The following SLC35B1 variants were observed in gnomAD, a reference collection of about 807,000 sequenced individuals.
SLC35B1 encodes ATP/ADP exchanger ER.
A neutral mutation model predicts 36.6 loss-of-function variants in SLC35B1; 27 were observed. That is an observed-to-expected ratio of 0.74 (90% CI 0.54 to 1.02). The LOEUF is 1.02. Ranked by LOEUF, SLC35B1 falls within the 50% of genes least tolerant of loss-of-function variation. The pLI is 0.00. For missense variants in SLC35B1, 321 were observed against 383.2 expected (o/e 0.84, Z 1.35); for synonymous variants, 162 against 152.5 (o/e 1.06, Z -0.46).
At position 49,705,289 on chromosome 17, in the gene SLC35B1, G is replaced by GA. The variant is rs778021618; in HGVS notation, c.371-9dup. 3.7e-6 allele frequency: 6 copies of GA among 1,612,270 alleles called. No individual in the cohort carries two copies. In the African/African-American group the frequency reaches 4.0e-5, roughly 11 times the overall value. On this transcript the variant is annotated splice_polypyrimidine_tract_variant and intron_variant, in intron 4 of 8. Coordinates refer to ENST00000240333, the MANE Select transcript of SLC35B1 (RefSeq NM_005827.4). ...TCACCCCAAGGAGCATGACTACAGG[G>GA]AAAAAACAGAGTGGAAAATTCAGGC...
intron 8 of SLC35B1, chr17:49,701,863 G>A (rs2073354664): frequency 2.8e-6 from 1 of 361,310 alleles, no homozygotes; most frequent in Non-Finnish European, 5.5e-6. Flanking sequence ...ACTGAGGCAG[G>A]AGGATCATTT....
intron 4 of SLC35B1, chr17:49,705,566 A>G (rs1282748121): frequency 6.8e-6 from 4 of 584,852 alleles, no homozygotes; most frequent in Non-Finnish European, 1.2e-5. Context: ...GAGATAAAGA[A>G]ACTGATGATC....
At chr17:49,708,010 C>G, upstream of SLC35B1, 1 of 1,378,330 alleles carries the variant, frequency 7.3e-7, no homozygotes, top group East Asian at 2.5e-5. Flanking sequence ...CGGCTCATGG[C>G]TGCCAAGGGG....
chr17:49,702,661 G>A (rs1275424776), intron 8 of SLC35B1, 197 bp downstream of exon 8: 22 of 534,274 alleles, frequency 4.1e-5, no homozygotes, highest in Non-Finnish European at 6.6e-5. Context: ...GAACCCAGGA[G>A]GAGGAGGAGG....
chr17:49,702,813 G>A (rs754900057), intron 8 of SLC35B1, 45 bp downstream of exon 8: 1 of 1,546,766 alleles, frequency 6.5e-7, no homozygotes, highest in Non-Finnish European at 8.8e-7. Flanking sequence ...GTAAATTTTA[G>A]GAGAAAAAAT....
intron 3 of SLC35B1, 145 bp downstream of exon 3, chr17:49,706,059 T>A: frequency 7.6e-7 from 1 of 1,323,336 alleles, no homozygotes; most frequent in Non-Finnish European, 1.0e-6. Context: ...TAAACGTAAG[T>A]TCTATGGTTC....
Position 49,702,928 on chromosome 17 carries a change from C to T in SLC35B1, c.846G>A (p.Leu282=). 6.2e-7 allele frequency: 1 copy of T among 1,613,744 alleles called. No individual in the cohort carries two copies. The part of the protein sequence containing the change: ...ITTTRKFFTI[L]ASVILFANPI... ...GATTGGCGAAGAGGATCACAGAGGC[C>T]AAAATTGTGAAGAACTTTCGAGTTG... The change falls in exon 8 of 9, where the codon TTG becomes TTA. Residue 282 remains leucine (L), a synonymous_variant. Coordinates refer to ENST00000240333, the MANE Select transcript of SLC35B1 (RefSeq NM_005827.4).
chr17:49,701,743 GAT>G (rs1479306074), intron 8 of SLC35B1: 4 of 466,364 alleles, frequency 8.6e-6, no homozygotes, highest in African/African-American at 5.8e-5. Flanking sequence ...GATACAGATA[GAT>G]ATAGATACAT....
At chr17:49,707,670 G>A (rs958128125) in intron 1 of SLC35B1, 60 bp downstream of exon 1, 37 of 1,563,940 alleles carry the variant, frequency 2.4e-5, no homozygotes, top group Middle Eastern at 2.3e-4. Flanking sequence ...GAGGCAGAAG[G>A]CCCGGGATCC....
rs11552689 is a variant in SLC35B1, at chr17:49,707,803, G to T, written c.31C>A (p.Arg11=). MASSSSLVPD[R]LRLPLCFLGV... Reference sequence around the variant, plus strand: ...AGGAAGCAGAGCGGCAGGCGCAGCCGGTCGGGCACCAGGGAGCTGCTAGAG... The same window carrying T: ...AGGAAGCAGAGCGGCAGGCGCAGCCTGTCGGGCACCAGGGAGCTGCTAGAG... The change falls in exon 1 of 9, where the codon CGG becomes AGG. Residue 11 remains arginine (R), a synonymous_variant. Coordinates refer to ENST00000240333, the MANE Select transcript of SLC35B1 (RefSeq NM_005827.4). 2.5e-6 allele frequency: 4 copies of T among 1,611,900 alleles called. No individual in the cohort carries two copies. The highest frequency in any genetic ancestry group is 3.4e-6 in the Non-Finnish European group (4 of 1,179,802).
rs1300087717 is a variant in SLC35B1, at chr17:49,707,728, A to T, written c.104+2T>A. 1 of 1,611,608 alleles carries T rather than the reference A, an allele frequency of 6.2e-7. No individual in the cohort carries two copies. ...TGTCGGCCCGCCCCCGGGGTCGCTC[A>T]CATCTTTTCCTGCAGGATCCCATAG... On this transcript the variant is annotated splice_donor_variant, in intron 1 of 8. Transcript: ENST00000240333. LOFTEE classifies it high-confidence loss of function.
At chr17:49,703,143 G>T in intron 7 of SLC35B1, 45 bp downstream of exon 7, 1 of 1,582,708 alleles carries the variant, frequency 6.3e-7, no homozygotes, top group Non-Finnish European at 8.7e-7. Context: ...TAGGGAACCA[G>T]CTGCCAGAGT....
chr17:49,706,400 A>C, intron 2 of SLC35B1, 66 bp from the exon 3 acceptor site: 11 of 1,391,984 alleles, frequency 7.9e-6, no homozygotes, highest in Non-Finnish European at 9.4e-6. Context: ...AACAAGAGAA[A>C]CCTGGTGGGG....
chr17:49,705,653 G>A, intron 4 of SLC35B1: 2 of 626,358 alleles, frequency 3.2e-6, no homozygotes, highest in East Asian at 5.2e-5. Flanking sequence ...AAGCAGGCTA[G>A]GTCAGCCTTT....
At position 49,702,622 on chromosome 17, in the gene SLC35B1, C is replaced by T. The variant is rs564618319; in HGVS notation, c.916+236G>A. 1.7e-3 allele frequency: 729 copies of T among 440,922 alleles called. 1 individual carries two copies. Among genetic ancestry groups the T allele is most frequent in the Admixed American group, 2.8e-3 (81 of 29,036 alleles). The allele number at this position is 440,922 out of a possible 1,614,324, so 27.3% of individuals were successfully genotyped here. On this transcript the variant is annotated intron_variant, in intron 8 of 8. Coordinates refer to ENST00000240333, the MANE Select transcript of SLC35B1 (RefSeq NM_005827.4). ...TGGTGCATGCCTGTAATCCTAGCTA[C>T]TCCGGATGCTGAGGCAGGAGAATTG...
chr17:49,705,556 G>T, intron 4 of SLC35B1: 1 of 584,368 alleles, frequency 1.7e-6, no homozygotes. Flanking sequence ...AAAAGAAGTT[G>T]AGATAAAGAA....
chr17:49,707,274 A>T, intron 1 of SLC35B1: 1 of 1,460,872 alleles, frequency 6.8e-7, no homozygotes, highest in Non-Finnish European at 9.1e-7. Context: ...CTGATTCCAA[A>T]GCCTAAGAAA....
At chr17:49,705,627 A>C (rs2073406346) in intron 4 of SLC35B1, 2 of 602,646 alleles carry the variant, frequency 3.3e-6, no homozygotes, top group Middle Eastern at 8.8e-4. Context: ...GCAACACAGA[A>C]ATGGCTGACC....
intron 2 of SLC35B1, 38 bp from the exon 3 acceptor site, chr17:49,706,372 A>AAAAC: frequency 8.7e-7 from 1 of 1,149,440 alleles, no homozygotes; most frequent in South Asian, 1.8e-5. Flanking sequence ...AAAAGAAAAG[A>AAAAC]AAAGAAAAAA....
Sources: gnomAD v4.1 joint callset for allele counts on GRCh38, gnomAD v4.1.1 for gene constraint, MANE v1.5 for transcripts, NCBI Gene and HGNC (gene_info 2026-07-23, HGNC 2026-07-21) for gene names.